Variants in TRIM14 observed in about 807,000 individuals in gnomAD.
The protein encoded by TRIM14 is tripartite motif-containing protein 14.
Under a neutral mutation model 44.5 loss-of-function variants are expected in TRIM14, and 28 were observed. The ratio of observed to expected loss-of-function variants is 0.63; its 90% CI spans 0.47 to 0.86. TRIM14 has a LOEUF of 0.86. TRIM14 is among the 40% of genes least tolerant of loss of function. TRIM14 has a pLI of 0.00. For missense variants in TRIM14, 607 were observed against 611.1 expected (o/e 0.99, Z 0.07); for synonymous variants, 299 against 269.2 (o/e 1.11, Z -1.08).
chr9:98,095,541 GCTGA>G lies in TRIM14; in HGVS notation c.538-516_538-513del, dbSNP rs1441172061. The stretch of plus-strand genomic sequence containing the variant: ...AAGGCCAGCAAGGTTCAGCTGCAGT[GCTGA>G]CTGAGGGGGTGTGGCCACCGCAGGG... On this transcript the variant is annotated intron_variant, in intron 3 of 5. Coordinates refer to ENST00000341469, the MANE Select transcript of TRIM14 (RefSeq NM_014788.4). The surrounding 1 kb of genome is among the most constrained non-coding windows in gnomAD (Gnocchi z 4.1). Among the ~76,000 whole-genome samples, 2 of 152,214 alleles carry G rather than the reference GCTGA, an allele frequency of 1.3e-5. No homozygotes were observed. The highest frequency in any genetic ancestry group is 4.8e-5 in the African/African-American group (2 of 41,454).
intron 1 of TRIM14, among the ~76,000 whole-genome samples, chr9:98,110,816 G>A (rs548350205): frequency 4.4e-4 from 65 of 146,840 alleles, no homozygotes; most frequent in African/African-American, 1.7e-3. Flanking sequence ...AGACCAGCCT[G>A]GGCAACATAG....
At chr9:98,043,832 A>C in the TRIM14 span, among the ~76,000 whole-genome samples, 2 of 151,960 alleles carry the variant, frequency 1.3e-5, no homozygotes, top group African/African-American at 2.4e-5. Flanking sequence ...AGAACTTAGA[A>C]ATTCTGTGGA....
At chr9:98,076,999 G>T (rs1422865299) in intron 6 of TRIM14, 2 of 1,608,270 alleles carry the variant, frequency 1.2e-6, no homozygotes, top group African/African-American at 2.7e-5. Flanking sequence ...TCCTTATCTG[G>T]AAAAGACAGC....
intron 5 of TRIM14, among the ~76,000 whole-genome samples, chr9:98,089,479 T>G (rs1825923509): frequency 6.6e-6 from 1 of 152,206 alleles, no homozygotes; most frequent in South Asian, 2.1e-4. Context: ...GCCCTGCCTC[T>G]ACTTAGCTCT....
Position 98,095,616 on chromosome 9 carries a change from T to G in TRIM14, c.538-587A>C, listed in dbSNP as rs77455433. On this transcript the variant is annotated intron_variant, in intron 3 of 5. Coordinates refer to ENST00000341469, the MANE Select transcript of TRIM14 (RefSeq NM_014788.4). This position sits in a 1 kb window ranked among gnomAD's most constrained non-coding sequence, Gnocchi z 4.1. The stretch of plus-strand genomic sequence containing the variant: ...CCTGGACAGCCCCTCTTCAATACTT[T>G]CCTGTGGTATGTGGCTTCACTAAGG... Among the ~76,000 whole-genome samples the G allele has an allele frequency of 3.9e-5, 6 of 152,198 alleles. No individual in the cohort carries two copies. The highest frequency in any genetic ancestry group is 1.4e-4 in the African/African-American group (6 of 41,446).
At chr9:98,066,162 G>A (rs1192245723), downstream of TRIM14, among the ~76,000 whole-genome samples, 1 of 152,180 alleles carries the variant, frequency 6.6e-6, no homozygotes, top group East Asian at 1.9e-4. Context: ...TGTTATGTGT[G>A]CATTTCATTG....
At chr9:98,111,287 C>A (rs1026708364) in intron 1 of TRIM14, among the ~76,000 whole-genome samples, 1 of 151,064 alleles carries the variant, frequency 6.6e-6, no homozygotes, top group Non-Finnish European at 1.5e-5. Context: ...TAATGAAATT[C>A]AAGAGCTGAG....
chr9:98,082,377 C>A (rs1433025387), downstream of TRIM14, among the ~76,000 whole-genome samples: 1 of 152,186 alleles, frequency 6.6e-6, no homozygotes, highest in African/African-American at 2.4e-5. Flanking sequence ...CCAAGTCACC[C>A]ACCCTGTATG....
the TRIM14 span, chr9:98,057,032 G>T: frequency 7.0e-7 from 1 of 1,420,328 alleles, no homozygotes; most frequent in South Asian, 1.5e-5. Context: ...CTCCGCGGCT[G>T]GGTACCCTGG....
intron 6 of TRIM14, among the ~76,000 whole-genome samples, chr9:98,077,269 C>T (rs1027741734): frequency 6.6e-5 from 10 of 151,982 alleles, no homozygotes; most frequent in Admixed American, 6.6e-5. Context: ...TGCCAGAAAC[C>T]TCTTTTCAAT....
the TRIM14 span, among the ~76,000 whole-genome samples, chr9:98,040,962 T>A: frequency 6.6e-6 from 1 of 151,872 alleles, no homozygotes; most frequent in African/African-American, 2.4e-5. Flanking sequence ...GTGATTTTTT[T>A]ATTTTTAGTA....
At chr9:98,081,390 T>C, downstream of TRIM14, 1 of 330,144 alleles carries the variant, frequency 3.0e-6, no homozygotes, top group South Asian at 4.4e-5. Flanking sequence ...CCAGAATATG[T>C]AACAGGAGTG....
intron 2 of TRIM14, among the ~76,000 whole-genome samples, chr9:98,105,303 C>T (rs1020429573): frequency 2.6e-5 from 4 of 152,242 alleles, no homozygotes; most frequent in South Asian, 2.1e-4. Flanking sequence ...TGCCCATCCC[C>T]GGCTCTGCTC....
At chr9:98,079,670 T>G (rs148667853), downstream of TRIM14, among the ~76,000 whole-genome samples, 315 of 152,266 alleles carry the variant, frequency 2.1e-3, no homozygotes, top group African/African-American at 7.1e-3. Context: ...TTCCGATAAT[T>G]AACAGTTTAG....
chr9:98,065,571 T>C (rs1242014664), downstream of TRIM14, among the ~76,000 whole-genome samples: 72 of 142,672 alleles, frequency 5.0e-4, no homozygotes, highest in African/African-American at 1.8e-3. Flanking sequence ...ACTCCTGACC[T>C]CAGGTGATCC....
chr9:98,060,730 T>G, the TRIM14 span: 2 of 1,579,952 alleles, frequency 1.3e-6, no homozygotes, highest in East Asian at 4.5e-5. Context: ...ATTTTTTCCT[T>G]TTTTTGAGAA....
intron 2 of TRIM14, among the ~76,000 whole-genome samples, chr9:98,109,634 G>A (rs1826767264): frequency 6.6e-6 from 1 of 152,196 alleles, no homozygotes; most frequent in South Asian, 2.1e-4. Flanking sequence ...TAAGGAACCA[G>A]AGATTTGCCA....
intron 2 of TRIM14, among the ~76,000 whole-genome samples, chr9:98,106,071 C>T (rs1340124440): frequency 6.6e-6 from 1 of 152,178 alleles, no homozygotes; most frequent in Non-Finnish European, 1.5e-5. Context: ...TGAAGATGCT[C>T]ATGTCACAGT....
chr9:98,072,193 T>C (rs1324057364), intron 6 of TRIM14, among the ~76,000 whole-genome samples: 4 of 152,120 alleles, frequency 2.6e-5, no homozygotes, highest in Non-Finnish European at 5.9e-5. Context: ...GTTAAGATGC[T>C]CCTGGGGCTA....
Sources: gnomAD v4.1 joint callset for allele counts (sites outside exome capture counted in the v4.1 genomes callset) on GRCh38, gnomAD v4.1.1 for gene constraint, Gnocchi (gnomAD v3.1) non-coding constraint, MANE v1.5 for transcripts, NCBI Gene and HGNC (gene_info 2026-07-23, HGNC 2026-07-21) for gene names.